Variants in GPLD1 observed in about 807,000 individuals in gnomAD.
GPLD1 encodes phosphatidylinositol-glycan-specific phospholipase D.
Under a neutral mutation model 112.6 loss-of-function variants are expected in GPLD1, and 84 were observed. The observed-to-expected ratio is 0.75, with a 90% CI of 0.63 to 0.89. The LOEUF (loss-of-function observed/expected upper bound fraction) is 0.89, where lower values mean the gene tolerates loss of function less well. GPLD1 is among the 40% of genes least tolerant of loss of function. GPLD1 has a pLI of 0.00. For missense variants in GPLD1, 1,044 were observed against 1,051.5 expected (o/e 0.99, Z 0.10); for synonymous variants, 386 against 403.8 (o/e 0.96, Z 0.53).
At chr6:24,486,253 G>A in intron 1 of GPLD1, 123 bp from the exon 2 acceptor site, 1 of 689,146 alleles carries the variant, frequency 1.5e-6, no homozygotes, top group Admixed American at 2.3e-5. Context: ...CGCAGGAAAT[G>A]AAATGAGTTT....
rs61733145 is a variant in GPLD1 at position 24,437,180 on chromosome 6, G to A, written c.2130C>T (p.Ser710=). The change falls in exon 21 of 25, where the codon AGC becomes AGT. Residue 710 remains serine (S), a synonymous_variant. Transcript: ENST00000230036. ...CAAATCGGGAGAAGCGGCGGTCTCC[G>A]CTGAAGGTGCTGAGCAGCAGAGGCT... ...DAQPLLLSTF[S]GDRRFSRFGG... 60,767 of 1,614,086 alleles carry A rather than the reference G, an allele frequency of 0.038. 1,314 individuals are homozygous for A. The highest frequency in any genetic ancestry group is 0.042 in the Non-Finnish European group (49,699 of 1,179,888).
chr6:24,453,026 T>C (rs1489032987), intron 14 of GPLD1, among the ~76,000 whole-genome samples: 1 of 151,282 alleles, frequency 6.6e-6, no homozygotes, highest in African/African-American at 2.4e-5. Flanking sequence ...CTCCTCCTTA[T>C]TGCTGTTACA....
At chr6:24,485,591 C>T (rs550108948) in intron 2 of GPLD1, among the ~76,000 whole-genome samples, 2 of 151,874 alleles carry the variant, frequency 1.3e-5, no homozygotes, top group South Asian at 4.2e-4. Flanking sequence ...GAGACATATA[C>T]CTTTTAACCA....
chr6:24,451,927 C>G (rs183913688), intron 14 of GPLD1, among the ~76,000 whole-genome samples: 299 of 152,358 alleles, frequency 2.0e-3, no homozygotes, highest in Non-Finnish European at 3.2e-3. Flanking sequence ...GCTGCACCAT[C>G]CGGCCCTCCT....
At chr6:24,457,532 G>A (rs1047534391) in intron 12 of GPLD1, among the ~76,000 whole-genome samples, 1 of 151,932 alleles carries the variant, frequency 6.6e-6, no homozygotes, top group Non-Finnish European at 1.5e-5. Context: ...AATTGTATTT[G>A]TATATGTGTA....
In GPLD1 at chr6:24,473,609, TA is replaced by T; in HGVS notation, c.490+9del. ...CACGAGAAAATTTAGCAAATGTAAA[TA>T]AACAGTACCAAAATCACCAGCCGAA... On this transcript the variant is annotated intron_variant, in intron 6 of 24. Transcript: ENST00000230036. The T allele has an allele frequency of 6.3e-7, 1 of 1,580,996 alleles. No individual in the cohort carries two copies. The highest frequency in any genetic ancestry group is 8.7e-7 in the Non-Finnish European group (1 of 1,150,404).
intron 22 of GPLD1, 76 bp from the exon 23 acceptor site, chr6:24,433,465 C>A (rs76071181): frequency 1.1e-6 from 1 of 917,808 alleles, no homozygotes; most frequent in South Asian, 1.4e-5. Flanking sequence ...TTAATTATAC[C>A]CTTATACCCT....
In GPLD1 at chr6:24,447,896, G is replaced by A. The variant is rs1410385979; in HGVS notation, c.1659C>T (p.Gly553=). Residue 553 remains glycine, a synonymous_variant, in exon 17 of 25, where the codon GGC becomes GGT. Transcript: ENST00000230036. ...CACTACCTTTGTCGCTCAGGCTGGG[G>A]CCAGAATAAAACGCAGCCACAATTC... is the stretch of plus-strand genomic sequence containing the variant. ...QKGIVAAFYS[G]PSLSDKEKLN... The A allele has an allele frequency of 6.2e-7, 1 of 1,613,862 alleles. No homozygotes were observed. The highest frequency in any genetic ancestry group is 8.5e-7 in the Non-Finnish European group (1 of 1,180,014).
In GPLD1 at chr6:24,473,694, G is replaced by A. The variant is rs1348314148; in HGVS notation, c.442-27C>T. On this transcript the variant is annotated intron_variant, in intron 5 of 24. Transcript: ENST00000230036. ...TAAGAAAGAAAGAGAACCATCTGGT[G>A]TGTATTACAAATTGTAGCCCCAACT... is the stretch of plus-strand genomic sequence containing the variant. The A allele has an allele frequency of 5.8e-6, 9 of 1,544,242 alleles. No individual in the cohort carries two copies. The South Asian group carries it at 9.1e-5, about 16-fold the overall frequency.
intron 13 of GPLD1, among the ~76,000 whole-genome samples, chr6:24,454,409 G>A (rs1397178897): frequency 2.0e-5 from 3 of 152,168 alleles, no homozygotes; most frequent in Non-Finnish European, 4.4e-5. Context: ...AAATAAAAAT[G>A]GACAAATCAA....
rs144052201 is a variant in GPLD1, at chr6:24,489,282, C to G, written c.97+133G>C. On this transcript the variant is annotated intron_variant, in intron 1 of 24. Coordinates refer to ENST00000230036, the MANE Select transcript of GPLD1 (RefSeq NM_001503.4). Reference sequence around the variant, plus strand: ...GACTGCAATCACCGGCTTCTCCTCCCTGCTGTCAGGCCACTCAGCTCAGTG... The same window carrying G: ...GACTGCAATCACCGGCTTCTCCTCCGTGCTGTCAGGCCACTCAGCTCAGTG... The G allele has an allele frequency of 2.1e-3, 1,384 of 655,876 alleles. 14 individuals carry two copies. The African/African-American group carries it at 0.022, about 10-fold the overall frequency. The allele number at this position is 655,876 out of a possible 1,614,324, so 40.6% of individuals were successfully genotyped here.
At chr6:24,424,791 C>T (rs1305929237), downstream of GPLD1, 1 of 152,116 alleles carries the variant, frequency 6.6e-6, no homozygotes, top group African/African-American at 2.4e-5. Context: ...ATACACTTAC[C>T]CTGATGATAT....
chr6:24,461,892 TAATA>T lies in GPLD1; in HGVS notation c.887+834_887+837del, dbSNP rs199873798. On this transcript the variant is annotated intron_variant, in intron 11 of 24. Transcript: ENST00000230036. ...TTTGTGTTATTTTGTTCTATTTTATTAATAAATATACACATATTTGTAATATTAA... is the reference window on the plus strand; with the variant it reads ...TTTGTGTTATTTTGTTCTATTTTATTAATATACACATATTTGTAATATTAA... Among the ~76,000 whole-genome samples the T allele has an allele frequency of 8.6e-3, 1,306 of 152,296 alleles. 16 individuals are homozygous for T. The highest frequency in any genetic ancestry group is 0.027 in the African/African-American group (1,129 of 41,556).
chr6:24,458,321 G>C (rs2127346811), intron 12 of GPLD1, among the ~76,000 whole-genome samples: 1 of 152,224 alleles, frequency 6.6e-6, no homozygotes, highest in South Asian at 2.1e-4. Flanking sequence ...GCCATGCATA[G>C]ATTGCTTCAT....
chr6:24,483,667 A>C (rs1298739722), intron 2 of GPLD1, among the ~76,000 whole-genome samples: 1 of 151,894 alleles, frequency 6.6e-6, no homozygotes, highest in Non-Finnish European at 1.5e-5. Context: ...ACTCCATCTC[A>C]GCATTAGAGA....
chr6:24,489,115 C>A (rs143419076), intron 1 of GPLD1, among the ~76,000 whole-genome samples: 2 of 152,212 alleles, frequency 1.3e-5, no homozygotes, highest in African/African-American at 4.8e-5. Context: ...TCTGCTGCCA[C>A]GTTGCAACCT....
chr6:24,481,017 C>A (rs1159435489), intron 2 of GPLD1, among the ~76,000 whole-genome samples: 1 of 152,170 alleles, frequency 6.6e-6, no homozygotes, highest in Non-Finnish European at 1.5e-5. Flanking sequence ...TGATGAGGTC[C>A]CAGAACCAAT....
chr6:24,466,628 T>C, intron 10 of GPLD1, 52 bp downstream of exon 10: 1 of 1,459,328 alleles, frequency 6.9e-7, no homozygotes, highest in Non-Finnish European at 9.5e-7. Context: ...TGTTGGGGGA[T>C]GGGGTAAAAA....
chr6:24,452,266 C>T (rs1255267254), intron 14 of GPLD1, among the ~76,000 whole-genome samples: 3 of 152,096 alleles, frequency 2.0e-5, no homozygotes, highest in Admixed American at 6.5e-5. Flanking sequence ...AACAGTCTGT[C>T]GGGGAAAGGC....
Sources: gnomAD v4.1 joint callset for allele counts (sites outside exome capture counted in the v4.1 genomes callset) on GRCh38, gnomAD v4.1.1 for gene constraint, MANE v1.5 for transcripts, NCBI Gene and HGNC (gene_info 2026-07-23, HGNC 2026-07-21) for gene names.